OTUD7B: variants seen among roughly 807,000 people sequenced by gnomAD.
The protein encoded by OTUD7B is OTU domain-containing protein 7B.
OTUD7B carries 34 observed loss-of-function variants against 82.2 expected under a neutral mutation model. The ratio of observed to expected loss-of-function variants is 0.41; its 90% confidence interval spans 0.31 to 0.55. The LOEUF is 0.55. Among genes scored for constraint, OTUD7B ranks in the 20% least tolerant of loss-of-function variants. The pLI is 0.20. For missense variants in OTUD7B, 944 were observed against 1,062.1 expected (o/e 0.89, Z 1.55); for synonymous variants, 398 against 402.7 (o/e 0.99, Z 0.14).
In OTUD7B at chr1:149,943,433, T is replaced by C. The variant is rs1553770914; in HGVS notation, c.*424A>G. ...CCTCCACACTTCTCACTCCACCATG[T>C]GCTTTTTCCCAACCTAAAGAACTTT... On this transcript the variant is annotated 3_prime_UTR_variant, in exon 12 of 12. Transcript: ENST00000581312. 1 of 171,470 alleles carries C rather than the reference T, an allele frequency of 5.8e-6. No individual in the cohort carries two copies. Among genetic ancestry groups the C allele is most frequent in the African/African-American group, 2.4e-5 (1 of 41,916 alleles). The allele number at this position is 171,470 out of a possible 1,614,324, so 10.6% of individuals were successfully genotyped here.
the OTUD7B span, among the ~76,000 whole-genome samples, chr1:150,038,106 G>A: frequency 1.1e-4 from 17 of 151,168 alleles, no homozygotes; most frequent in African/African-American, 3.6e-4. Context: ...CAGTCCACCC[G>A]CCTCAGCCTC....
chr1:149,984,825 C>T (rs1358688842), intron 1 of OTUD7B, among the ~76,000 whole-genome samples: 3 of 152,152 alleles, frequency 2.0e-5, no homozygotes, highest in Non-Finnish European at 4.4e-5. Flanking sequence ...TCTCTCTTGC[C>T]TTATCCACAC....
chr1:150,036,820 T>C, the OTUD7B span, among the ~76,000 whole-genome samples: 23,799 of 152,130 alleles, frequency 0.16, 2,036 homozygotes, highest in African/African-American at 0.19. Context: ...AAATCTTTGT[T>C]CCACAACAGC....
At chr1:149,959,245 A>G (rs1648960002) in intron 7 of OTUD7B, among the ~76,000 whole-genome samples, 1 of 151,500 alleles carries the variant, frequency 6.6e-6, no homozygotes, top group Non-Finnish European at 1.5e-5. Flanking sequence ...AAAAAGAAAG[A>G]AAAAGAAAGG....
the OTUD7B span, among the ~76,000 whole-genome samples, chr1:150,025,782 T>C: frequency 6.6e-6 from 1 of 152,154 alleles, no homozygotes; most frequent in African/African-American, 2.4e-5. Flanking sequence ...GTGAAATATT[T>C]TGTTTGGGTC....
rs145971398 is a variant in OTUD7B, at chr1:149,977,490, A to G, written c.21T>C (p.Ala7=). The change falls in exon 2 of 12, where the codon GCT becomes GCC. Residue 7 remains alanine (A), a synonymous_variant. Transcript: ENST00000581312. MTLDMD[A]VLSDFVRSTG... is the part of the protein sequence containing the mutation. ...TGGAACGGACAAAATCTGACAGAAC[A>G]GCATCCATGTCCAGGGTCATGTGAT... is the stretch of plus-strand genomic sequence containing the variant. 10 of 1,614,094 alleles carry G rather than the reference A, an allele frequency of 6.2e-6. No homozygotes were observed. The highest frequency in any genetic ancestry group is 1.6e-4 in the Middle Eastern group (1 of 6,062).
chr1:149,972,758 A>G (rs1553777861), intron 2 of OTUD7B, among the ~76,000 whole-genome samples: 3 of 151,988 alleles, frequency 2.0e-5, no homozygotes, highest in African/African-American at 7.3e-5. Context: ...TTAATGGATA[A>G]CTCTTCTCCT....
chr1:150,015,387 G>C (rs1196397134), upstream of OTUD7B, among the ~76,000 whole-genome samples: 1 of 143,844 alleles, frequency 7.0e-6, no homozygotes, highest in African/African-American at 2.6e-5. Flanking sequence ...TCCACCTCCC[G>C]GGTTCAAGCA....
Position 149,944,930 on chromosome 1 carries a change from T to C in OTUD7B, c.1459A>G (p.Lys487Glu). The C allele has an allele frequency of 6.2e-7, 1 of 1,614,114 alleles. No individual in the cohort carries two copies. The highest frequency in any genetic ancestry group is 8.5e-7 in the Non-Finnish European group (1 of 1,180,038). The change falls in exon 12 of 12, where the codon AAG becomes GAG. Residue 487 changes from lysine to glutamate, a missense_variant. Lys to Glu is a moderately conservative substitution (Grantham distance 56, BLOSUM62 1). Transcript: ENST00000581312. ...TCCTTCTCCCGATCTCGCTTTGACT[T>C]CTCCTTCCGCCGGCCGCCCTCGTTG... is the stretch of plus-strand genomic sequence containing the variant. ...TSNEGGRRKEKSKRDREKDKK... is the reference protein window; with the variant it reads ...TSNEGGRRKEESKRDREKDKK...
At chr1:149,969,014 C>G (rs587735194) in intron 3 of OTUD7B, among the ~76,000 whole-genome samples, 1 of 152,128 alleles carries the variant, frequency 6.6e-6, no homozygotes, top group Non-Finnish European at 1.5e-5. Context: ...ACCACACCCA[C>G]CTTAAAAATA....
rs931159551 is a variant in OTUD7B at position 149,943,914 on chromosome 1, T to C, written c.2475A>G (p.Glu825=). Residue 825 remains glutamate, a synonymous_variant, in exon 12 of 12, where the codon GAA becomes GAG. Transcript: ENST00000581312. The part of the protein sequence containing the change: ...TNNFCSCCYR[E]ELRRREREPD... ...GTTCCCGCTCCCTCCTCCTCAGTTCTTCCCTGTAACAACAGGAACAGAAGT... is the reference window on the plus strand; with the variant it reads ...GTTCCCGCTCCCTCCTCCTCAGTTCCTCCCTGTAACAACAGGAACAGAAGT... 6.2e-7 allele frequency: 1 copy of C among 1,614,142 alleles called. No individual in the cohort carries two copies. Among genetic ancestry groups the C allele is most frequent in the African/African-American group, 1.3e-5 (1 of 74,944 alleles).
rs1553771022 is a variant in OTUD7B at position 149,943,761 on chromosome 1, G to A, written c.*96C>T. 6.3e-6 allele frequency: 8 copies of A among 1,266,298 alleles called. No individual in the cohort carries two copies. The Admixed American group carries it at 1.1e-4, about 18-fold the overall frequency. 78.4% of individuals were successfully genotyped at this position (1,266,298 alleles called of 1,614,324 possible). On this transcript the variant is annotated 3_prime_UTR_variant, in exon 12 of 12. Coordinates refer to ENST00000581312, the MANE Select transcript of OTUD7B (RefSeq NM_020205.4). ...CAGCCAGGCTCCCACAAACATTACT[G>A]CATTTTCCCCCTCAACATGGGGACT...
At chr1:150,041,698 A>T in the OTUD7B span, among the ~76,000 whole-genome samples, 5 of 152,174 alleles carry the variant, frequency 3.3e-5, no homozygotes, top group African/African-American at 1.2e-4. Context: ...CTTGCCAAAG[A>T]TTGGTCTGTT....
intron 2 of OTUD7B, among the ~76,000 whole-genome samples, chr1:149,975,514 T>C (rs151331000): frequency 2.2e-4 from 33 of 152,282 alleles, no homozygotes; most frequent in Admixed American, 4.6e-4. Context: ...GTTGCACATA[T>C]TGAACACTCA....
the OTUD7B span, among the ~76,000 whole-genome samples, chr1:150,064,270 T>C: frequency 8.6e-3 from 1,310 of 152,330 alleles, 20 homozygotes; most frequent in African/African-American, 0.03. Flanking sequence ...GATGAAGAAA[T>C]GGTTAGAGAA....
chr1:150,043,732 T>A, the OTUD7B span, among the ~76,000 whole-genome samples: 96 of 152,264 alleles, frequency 6.3e-4, no homozygotes, highest in Middle Eastern at 3.4e-3. Context: ...ATAATTATTA[T>A]AACATTTTTC....
chr1:149,992,181 C>A (rs782566396), intron 1 of OTUD7B, among the ~76,000 whole-genome samples: 1 of 152,100 alleles, frequency 6.6e-6, no homozygotes, highest in East Asian at 1.9e-4. Context: ...GCTGACATGG[C>A]GCCACTGCAC....
At chr1:150,007,269 A>C (rs1559870323) in intron 1 of OTUD7B, among the ~76,000 whole-genome samples, 1 of 152,186 alleles carries the variant, frequency 6.6e-6, no homozygotes, top group African/African-American at 2.4e-5. Context: ...AACTTGTCCA[A>C]GGTCACATGG....
chr1:150,056,245 A>C, the OTUD7B span, among the ~76,000 whole-genome samples: 7 of 152,174 alleles, frequency 4.6e-5, no homozygotes, highest in Admixed American at 4.6e-4. Flanking sequence ...GAGCAGCCCC[A>C]AAACAGAATA....
Sources: gnomAD v4.1 joint callset for allele counts (sites outside exome capture counted in the v4.1 genomes callset) on GRCh38, gnomAD v4.1.1 for gene constraint, MANE v1.5 for transcripts, NCBI Gene and HGNC (gene_info 2026-07-23, HGNC 2026-07-21) for gene names.